HTRA4: variants seen among roughly 807,000 people sequenced by gnomAD.
HTRA4 encodes serine protease HTRA4.
A neutral mutation model predicts 49.1 loss-of-function variants in HTRA4; 46 were observed. The ratio of observed to expected loss-of-function variants is 0.94; its 90% CI spans 0.74 to 1.20. The LOEUF (loss-of-function observed/expected upper bound fraction) is 1.20, where lower values mean the gene tolerates loss of function less well. Among genes scored for constraint, HTRA4 ranks in the 50% most tolerant of loss-of-function variants. HTRA4 has a pLI of 0.00. For synonymous variants in HTRA4, 261 were observed against 264.0 expected (o/e 0.99, Z 0.11); for missense variants, 602 against 636.9 (o/e 0.95, Z 0.59).
At chr8:38,982,124 A>G (rs1470480230) in intron 6 of HTRA4, among the ~76,000 whole-genome samples, 3 of 152,184 alleles carry the variant, frequency 2.0e-5, no homozygotes, top group Non-Finnish European at 4.4e-5. Flanking sequence ...CTGGGATTAC[A>G]GGCATGAACC....
intron 4 of HTRA4, among the ~76,000 whole-genome samples, chr8:38,978,708 G>T (rs1357424118): frequency 1.3e-5 from 2 of 152,020 alleles, no homozygotes; most frequent in Non-Finnish European, 2.9e-5. Context: ...GAAGGTGGTG[G>T]TCCCTTGGCC....
At chr8:38,985,729 C>G (rs1479959612) in intron 8 of HTRA4, among the ~76,000 whole-genome samples, 3 of 152,236 alleles carry the variant, frequency 2.0e-5, no homozygotes, top group Non-Finnish European at 2.9e-5. Context: ...GTCCTTGCTA[C>G]TCAGAATGTG....
chr8:38,988,146 T>C lies in HTRA4; in HGVS notation c.*48T>C. Reference sequence around the variant, plus strand: ...TATCTAAAAAAAAAAAAACCAGTTATATCACGTGGTTTGTATTGGAGATGT... The same window carrying C: ...TATCTAAAAAAAAAAAAACCAGTTACATCACGTGGTTTGTATTGGAGATGT... On this transcript the variant is annotated 3_prime_UTR_variant, in exon 9 of 9. Transcript: ENST00000302495. 6.9e-7 allele frequency: 1 copy of C among 1,440,720 alleles called. No individual in the cohort carries two copies. The highest frequency in any genetic ancestry group is 9.2e-7 in the Non-Finnish European group (1 of 1,081,878). 89.2% of individuals were successfully genotyped at this position (1,440,720 alleles called of 1,614,324 possible).
Position 38,975,143 on chromosome 8 carries a change from G to A in HTRA4, c.566+13G>A. ...AGCTGTGGGGCAGGTAAAGGAGGAG[G>A]AGGAAGACCTCCACTGTCCCAGCTA... On this transcript the variant is annotated intron_variant, in intron 2 of 8. Coordinates refer to ENST00000302495, the MANE Select transcript of HTRA4 (RefSeq NM_153692.4). 6.2e-7 allele frequency: 1 copy of A among 1,611,914 alleles called. No homozygotes were observed. Among genetic ancestry groups the A allele is most frequent in the Non-Finnish European group, 8.5e-7 (1 of 1,178,958 alleles).
Position 38,981,683 on chromosome 8 carries a change from A to G in HTRA4, c.1030A>G (p.Arg344Gly). ...TGATGTGATTGGCGTCAATTCATTG[A>G]GGGTGACTGATGGAATCTCCTTTGC... ...DGDVIGVNSL[R>G]VTDGISFAIP... The change falls in exon 6 of 9, where the codon AGG (arginine) becomes GGG (glycine). Residue 344 changes from arginine (R) to glycine (G), a missense_variant. Arg to Gly is a moderately radical substitution (Grantham distance 125). Coordinates refer to ENST00000302495, the MANE Select transcript of HTRA4 (RefSeq NM_153692.4). The G allele has an allele frequency of 6.2e-7, 1 of 1,613,544 alleles. No homozygotes were observed. Among genetic ancestry groups the G allele is most frequent in the African/African-American group, 1.3e-5 (1 of 74,834 alleles).
chr8:38,976,560 C>T lies in HTRA4; in HGVS notation c.592C>T (p.Pro198Ser), dbSNP rs1588290494. 6.2e-7 allele frequency: 1 copy of T among 1,614,026 alleles called. No individual in the cohort carries two copies. Among genetic ancestry groups the T allele is most frequent in the Non-Finnish European group, 8.5e-7 (1 of 1,180,032 alleles). The part of the protein sequence containing the change: ...GRLLHGSRLV[P>S]VYSGSGFIVS... Reference sequence around the variant, plus strand: ...GTTACTTCACGGCAGCAGGCTTGTTCCTGTGTACAGTGGCTCTGGGTTCAT... The same window carrying T: ...GTTACTTCACGGCAGCAGGCTTGTTTCTGTGTACAGTGGCTCTGGGTTCAT... Residue 198 changes from proline to serine, a missense_variant, in exon 3 of 9, where the codon CCT becomes TCT. By Grantham distance (74) the Pro-to-Ser change is moderately conservative. Transcript: ENST00000302495.
rs1393210930 is a variant in HTRA4 at position 38,981,672 on chromosome 8, T to C, written c.1019T>C (p.Val340Ala). The C allele has an allele frequency of 6.2e-7, 1 of 1,613,458 alleles. No individual in the cohort carries two copies. The highest frequency in any genetic ancestry group is 8.5e-7 in the Non-Finnish European group (1 of 1,179,848). ...LVNLDGDVIG[V>A]NSLRVTDGIS... ...TGCCAGGATGGTGATGTGATTGGCG[T>C]CAATTCATTGAGGGTGACTGATGGA... Residue 340 changes from valine to alanine, a missense_variant, in exon 6 of 9, where the codon GTC (valine) becomes GCC (alanine). By Grantham distance (64) the Val-to-Ala change is moderately conservative. Transcript: ENST00000302495.
At chr8:38,983,194 C>T in intron 8 of HTRA4, 146 bp downstream of exon 8, 1 of 456,602 alleles carries the variant, frequency 2.2e-6, no homozygotes, top group Non-Finnish European at 4.0e-6. Flanking sequence ...GAAATGTGGC[C>T]AGTGTGACTG....
intron 8 of HTRA4, among the ~76,000 whole-genome samples, chr8:38,984,603 G>C (rs1488068251): frequency 6.6e-6 from 1 of 151,956 alleles, no homozygotes; most frequent in East Asian, 1.9e-4. Context: ...ATAAAAATTA[G>C]CTGGGTGTGG....
chr8:38,983,103 A>G, intron 8 of HTRA4, 55 bp downstream of exon 8: 2 of 1,160,654 alleles, frequency 1.7e-6, no homozygotes, highest in Non-Finnish European at 2.6e-6. Flanking sequence ...AATGTGTGCC[A>G]TGGTAAAATG....
At chr8:38,984,870 C>T (rs1227628919) in intron 8 of HTRA4, among the ~76,000 whole-genome samples, 1 of 152,114 alleles carries the variant, frequency 6.6e-6, no homozygotes, top group Non-Finnish European at 1.5e-5. Flanking sequence ...GAGCTGTGCT[C>T]ATGCCACTGC....
At chr8:38,978,850 C>T (rs1379654622) in intron 4 of HTRA4, among the ~76,000 whole-genome samples, 1 of 152,074 alleles carries the variant, frequency 6.6e-6, no homozygotes, top group African/African-American at 2.4e-5. Context: ...CAAAAATTAG[C>T]TGGGCATGGT....
chr8:38,982,813 A>C (rs1835440304), intron 7 of HTRA4, 140 bp from the exon 8 acceptor site: 2 of 653,692 alleles, frequency 3.1e-6, no homozygotes, highest in Non-Finnish European at 5.3e-6. Context: ...CTGAGAGGAG[A>C]ATGACTGTGA....
chr8:38,983,043 T>A lies in HTRA4; in HGVS notation c.1263T>A (p.Ala421=). The change falls in exon 8 of 9, where the codon GCT becomes GCA. Residue 421 remains alanine, a synonymous_variant. Coordinates refer to ENST00000302495, the MANE Select transcript of HTRA4 (RefSeq NM_153692.4). The part of the protein sequence containing the change: ...YVCKVVEGTA[A]QSSGLRDHDV... ...GTAAAGTGGTTGAAGGAACAGCTGC[T>A]CAAAGGTAAGAGAAGTGAAGGCCTT... The A allele has an allele frequency of 6.2e-7, 1 of 1,610,594 alleles. No individual in the cohort carries two copies. The highest frequency in any genetic ancestry group is 8.5e-7 in the Non-Finnish European group (1 of 1,177,174).
intron 8 of HTRA4, 114 bp from the exon 9 acceptor site, chr8:38,987,822 A>T: frequency 1.2e-6 from 1 of 861,750 alleles, no homozygotes; most frequent in Non-Finnish European, 1.7e-6. Flanking sequence ...TCTCGTTTGT[A>T]TGCTTAATGC....
chr8:38,977,838 G>A (rs1462453729), intron 3 of HTRA4, 115 bp from the exon 4 acceptor site: 3 of 1,061,694 alleles, frequency 2.8e-6, no homozygotes, highest in Non-Finnish European at 2.7e-6. Context: ...GGTGGTAAGG[G>A]CCAAGGTGAT....
At chr8:38,981,084 T>TTTTTG (rs1835416222) in intron 5 of HTRA4, among the ~76,000 whole-genome samples, 2 of 126,896 alleles carry the variant, frequency 1.6e-5, no homozygotes, top group African/African-American at 3.3e-5. Flanking sequence ...TTTTTTTTTT[T>TTTTTG]TTTTTTTTTT....
chr8:38,979,283 T>C, intron 5 of HTRA4, 36 bp downstream of exon 5: 1 of 1,592,804 alleles, frequency 6.3e-7, no homozygotes, highest in Non-Finnish European at 8.6e-7. Context: ...TCATGTTTCT[T>C]CTTAACTTTC....
At chr8:38,976,907 G>A (rs906759391) in intron 3 of HTRA4, among the ~76,000 whole-genome samples, 168 bp downstream of exon 3, 6 of 151,590 alleles carry the variant, frequency 4.0e-5, no homozygotes, top group South Asian at 2.1e-4. Flanking sequence ...TTGCTTCAAC[G>A]CCTTTCTGTA....
Sources: gnomAD v4.1 joint callset for allele counts (sites outside exome capture counted in the v4.1 genomes callset) on GRCh38, gnomAD v4.1.1 for gene constraint, MANE v1.5 for transcripts, NCBI Gene and HGNC (gene_info 2026-07-23, HGNC 2026-07-21) for gene names.